FAM184B: variants seen among roughly 807,000 people sequenced by gnomAD.
The protein encoded by FAM184B is family with sequence similarity 184 member B.
Under a neutral mutation model 135.9 loss-of-function variants are expected in FAM184B, and 111 were observed. That is an observed-to-expected ratio of 0.82 (90% CI 0.70 to 0.96). The LOEUF (loss-of-function observed/expected upper bound fraction) is 0.96, where lower values mean the gene tolerates loss of function less well. FAM184B is among the 40% of genes least tolerant of loss of function. The pLI is 0.00. For missense variants in FAM184B, 1,375 were observed against 1,323.9 expected (o/e 1.04, Z -0.60); for synonymous variants, 552 against 524.8 (o/e 1.05, Z -0.71).
chr4:17,629,423 T>C lies in FAM184B; in HGVS notation c.*3109A>G, dbSNP rs1714859631. The stretch of plus-strand genomic sequence containing the variant: ...AACCAAGTAGCCTCAATCACAAATG[T>C]TGGGTTGGATATTACATCAGTGTTA... On this transcript the variant is annotated 3_prime_UTR_variant, in exon 18 of 18. Transcript: ENST00000265018. 1 of 152,192 alleles carries C rather than the reference T, an allele frequency of 6.6e-6. No individual in the cohort carries two copies. Among genetic ancestry groups the C allele is most frequent in the Admixed American group, 6.5e-5 (1 of 15,276 alleles). 9.4% of individuals were successfully genotyped at this position (152,192 alleles called of 1,614,324 possible).
chr4:17,729,264 T>G (rs1577279986), intron 1 of FAM184B, among the ~76,000 whole-genome samples: 1 of 152,132 alleles, frequency 6.6e-6, no homozygotes, highest in Non-Finnish European at 1.5e-5. Context: ...TCAAACTGGG[T>G]GGAGCCCACC....
At chr4:17,654,207 T>C (rs76652810) in intron 10 of FAM184B, among the ~76,000 whole-genome samples, 3 of 151,774 alleles carry the variant, frequency 2.0e-5, no homozygotes, top group African/African-American at 4.8e-5. Context: ...TTTTTTTTTT[T>C]CCAGTTAGCA....
In FAM184B at chr4:17,630,349, T is replaced by C. The variant is rs773388127; in HGVS notation, c.*2183A>G. The C allele has an allele frequency of 1.3e-5, 2 of 152,042 alleles. No individual in the cohort carries two copies. The highest frequency in any genetic ancestry group is 2.9e-5 in the Non-Finnish European group (2 of 68,016). 9.4% of individuals were successfully genotyped at this position (152,042 alleles called of 1,614,324 possible). A position where few individuals can be genotyped will look rare whatever the true frequency, so the allele number is the denominator to read the frequency against. Reference sequence around the variant, plus strand: ...AAGAGGTGGGGCTTTTGGGAAGCAATGGAGTCATGAGGGCTTCACCCTCAT... The same window carrying C: ...AAGAGGTGGGGCTTTTGGGAAGCAACGGAGTCATGAGGGCTTCACCCTCAT... On this transcript the variant is annotated 3_prime_UTR_variant, in exon 18 of 18. Coordinates refer to ENST00000265018, the MANE Select transcript of FAM184B (RefSeq NM_015688.2).
At chr4:17,700,545 T>G (rs1311324957) in intron 5 of FAM184B, among the ~76,000 whole-genome samples, 1 of 152,220 alleles carries the variant, frequency 6.6e-6, no homozygotes, top group Non-Finnish European at 1.5e-5. Context: ...ACAATTTTAA[T>G]TTGAGATTTC....
intron 11 of FAM184B, among the ~76,000 whole-genome samples, chr4:17,652,492 T>C (rs1001692965): frequency 1.3e-5 from 2 of 152,238 alleles, no homozygotes; most frequent in African/African-American, 4.8e-5. Flanking sequence ...AATTCAATTT[T>C]ATACAAAAGG....
In FAM184B at chr4:17,705,152, C is replaced by T. The variant is rs1717078467; in HGVS notation, c.1225G>A (p.Asp409Asn). ...TEYMKQQYEEDLRKIKHQTEE... is the reference protein window; with the variant it reads ...TEYMKQQYEENLRKIKHQTEE... ...GTCTGATGTTTGATTTTACGAAGGT[C>T]TTCTTCATATTGTTGCTTCATATAT... Residue 409 changes from aspartate to asparagine, a missense_variant, in exon 5 of 18, where the codon GAC becomes AAC. Transcript: ENST00000265018. 6.4e-7 allele frequency: 1 copy of T among 1,551,634 alleles called. No individual in the cohort carries two copies. The highest frequency in any genetic ancestry group is 1.4e-5 in the African/African-American group (1 of 73,046).
In FAM184B at chr4:17,709,149, C is replaced by A; in HGVS notation, c.637G>T (p.Asp213Tyr). 1 of 1,548,292 alleles carries A rather than the reference C, an allele frequency of 6.5e-7. No homozygotes were observed. The highest frequency in any genetic ancestry group is 2.4e-5 in the East Asian group (1 of 40,864). The change falls in exon 2 of 18, where the codon GAC becomes TAC. Residue 213 changes from aspartate to tyrosine, a missense_variant. Coordinates refer to ENST00000265018, the MANE Select transcript of FAM184B (RefSeq NM_015688.2). ...AGCTCCTCGGCCTTGCGGGCGTAGT[C>A]CTTGCTCAGCTGCTGGTTCTCCACT... The part of the protein sequence containing the change: ...LRVENQQLSK[D>Y]YARKAEELQA...
At chr4:17,751,306 CAAAAAAA>C (rs71167334) in intron 1 of FAM184B, among the ~76,000 whole-genome samples, 2 of 91,766 alleles carry the variant, frequency 2.2e-5, no homozygotes, top group African/African-American at 4.5e-5. Context: ...GACTCTGTCT[CAAAAAAA>C]AAAAAAAAAA....
At chr4:17,700,177 A>T (rs768316894) in intron 5 of FAM184B, among the ~76,000 whole-genome samples, 1 of 152,162 alleles carries the variant, frequency 6.6e-6, no homozygotes, top group Non-Finnish European at 1.5e-5. Context: ...GAAAAACAAG[A>T]TGGTACACTT....
In FAM184B at chr4:17,633,411, G is replaced by A. The variant is rs1030777257; in HGVS notation, c.3089+278C>T. ...GTATTATCTTAATTTTAAAGGCAAGGTATATGGAGACCTGGAGAGGTCAAG... is the reference window on the plus strand; with the variant it reads ...GTATTATCTTAATTTTAAAGGCAAGATATATGGAGACCTGGAGAGGTCAAG... On this transcript the variant is annotated intron_variant, in intron 17 of 17. Coordinates refer to ENST00000265018, the MANE Select transcript of FAM184B (RefSeq NM_015688.2). The A allele has an allele frequency of 1.7e-5, 5 of 296,520 alleles. No individual in the cohort carries two copies. The South Asian group carries it at 5.6e-4, about 33-fold the overall frequency. The allele number at this position is 296,520 out of a possible 1,614,324, so 18.4% of individuals were successfully genotyped here.
Position 17,639,307 on chromosome 4 carries a change from GC to G in FAM184B, c.2608del (p.Ala870GlnfsTer21). 6.4e-7 allele frequency: 1 copy of G among 1,551,720 alleles called. No individual in the cohort carries two copies. Among genetic ancestry groups the G allele is most frequent in the Non-Finnish European group, 8.7e-7 (1 of 1,147,008 alleles). ...CTGGGCCTGGGCACTACTGAAATCT[GC>G]CACCATGGCCTGCATCTCCTTCCGG... Reference protein sequence around the residue: ...EHRKEMQAMVADFSSAQAQLQ... With the variant: ...EHRKEMQAMVXDFSSAQAQLQ... On this transcript the variant is annotated frameshift_variant, in exon 14 of 18. Coordinates refer to ENST00000265018, the MANE Select transcript of FAM184B (RefSeq NM_015688.2). LOFTEE classifies it high-confidence loss of function.
At chr4:17,704,917 G>A (rs903518458) in intron 5 of FAM184B, 83 bp downstream of exon 5, 35 of 1,241,074 alleles carry the variant, frequency 2.8e-5, no homozygotes, top group African/African-American at 6.1e-5. Flanking sequence ...GTTTGAGGAA[G>A]AAAAGAAGGA....
intron 5 of FAM184B, among the ~76,000 whole-genome samples, chr4:17,695,163 T>TG (rs1716826770): frequency 3.6e-4 from 1 of 2,754 alleles, no homozygotes; most frequent in South Asian, 0.1. Flanking sequence ...TTCTTTGTTG[T>TG]TTTTTTTTTT....
chr4:17,759,997 G>A (rs1718509595), intron 1 of FAM184B, among the ~76,000 whole-genome samples: 2 of 152,266 alleles, frequency 1.3e-5, no homozygotes, highest in Non-Finnish European at 2.9e-5. Context: ...TGTGATTCAT[G>A]CTTGGCTGAC....
At position 17,735,372 on chromosome 4, in the gene FAM184B, T is replaced by C. The variant is rs559116505; in HGVS notation, c.142-25728A>G. ...TTAAATTAAAAAAAGAAAGTTCGAT[T>C]ATAAAAAAAATTTTCATTTTTTAAA... On this transcript the variant is annotated intron_variant, in intron 1 of 17. Transcript: ENST00000265018. Among the ~76,000 whole-genome samples the C allele has an allele frequency of 1.5e-3, 232 of 152,082 alleles. 1 individual carries two copies. Among genetic ancestry groups the C allele is most frequent in the African/African-American group, 5.5e-3 (227 of 41,458 alleles).
chr4:17,633,737 C>T lies in FAM184B; in HGVS notation c.3041G>A (p.Gly1014Asp), dbSNP rs906637177. ...SPSLDPSPSC[G>D]RTYKPNQSTD... ...AGACTGGTTGGGTTTGTAGGTCCGG[C>T]CACAGCTGGGGCTTGGGTCCAAGCT... The change falls in exon 17 of 18, where the codon GGC becomes GAC. Residue 1014 changes from glycine to aspartate, a missense_variant. Gly to Asp is a moderately conservative substitution (Grantham distance 94, BLOSUM62 -1). Coordinates refer to ENST00000265018, the MANE Select transcript of FAM184B (RefSeq NM_015688.2). The T allele has an allele frequency of 8.4e-6, 13 of 1,550,036 alleles. No individual in the cohort carries two copies. The highest frequency in any genetic ancestry group is 1.1e-5 in the Non-Finnish European group (13 of 1,146,322).
At chr4:17,742,153 TATATATATATATA>T (rs1301174888) in intron 1 of FAM184B, among the ~76,000 whole-genome samples, 16 of 81,454 alleles carry the variant, frequency 2.0e-4, no homozygotes, top group African/African-American at 7.6e-4. Flanking sequence ...TATATATATA[TATATATATATATA>T]TATTTTTTTT....
chr4:17,710,596 A>C (rs1717245018), intron 1 of FAM184B, among the ~76,000 whole-genome samples: 1 of 152,218 alleles, frequency 6.6e-6, no homozygotes, highest in African/African-American at 2.4e-5. Context: ...CACCATACTC[A>C]GTGATGTAAG....
chr4:17,684,955 C>T (rs1016689377), intron 7 of FAM184B, among the ~76,000 whole-genome samples: 8 of 152,060 alleles, frequency 5.3e-5, no homozygotes, highest in African/African-American at 1.9e-4. Flanking sequence ...GAAAACCAAA[C>T]ACCATATGTT....
Sources: gnomAD v4.1 joint callset for allele counts (sites outside exome capture counted in the v4.1 genomes callset) on GRCh38, gnomAD v4.1.1 for gene constraint, MANE v1.5 for transcripts, NCBI Gene and HGNC (gene_info 2026-07-23, HGNC 2026-07-21) for gene names.